FRAS1: variants seen among roughly 807,000 people sequenced by gnomAD.
The protein encoded by FRAS1 is Fraser extracellular matrix complex subunit 1, also known as extracellular matrix organizing protein FRAS1.
A neutral mutation model predicts 435.2 loss-of-function variants in FRAS1; 290 were observed. That is an observed-to-expected ratio of 0.67 (90% CI 0.61 to 0.73). FRAS1 has a LOEUF of 0.73. Ranked by LOEUF, FRAS1 falls within the 30% of genes least tolerant of loss-of-function variation. The pLI, the probability that FRAS1 is intolerant of heterozygous loss-of-function variation, is 0.00. For synonymous variants in FRAS1, 1,800 were observed against 1,851.0 expected (o/e 0.97, Z 0.71); for missense variants, 4,860 against 5,001.5 (o/e 0.97, Z 0.85).
At chr4:78,080,230 C>G (rs530272532) in intron 2 of FRAS1, among the ~76,000 whole-genome samples, 1 of 152,228 alleles carries the variant, frequency 6.6e-6, no homozygotes, top group South Asian at 2.1e-4. Context: ...CCTCGAGAAG[C>G]CTGATTGATT....
intron 14 of FRAS1, among the ~76,000 whole-genome samples, chr4:78,293,194 A>T (rs1727980408): frequency 6.6e-6 from 1 of 152,186 alleles, no homozygotes; most frequent in South Asian, 2.1e-4. Context: ...CATTATATGA[A>T]ATTATTATTA....
At chr4:78,477,786 T>C (rs1421684279) in intron 54 of FRAS1, 29 bp from the exon 55 acceptor site, 1 of 1,600,136 alleles carries the variant, frequency 6.2e-7, no homozygotes, top group Admixed American at 1.7e-5. Flanking sequence ...GAGGCACAGC[T>C]TAACTTCTTG....
chr4:78,309,069 C>T (rs573523871), intron 15 of FRAS1, among the ~76,000 whole-genome samples: 11 of 152,164 alleles, frequency 7.2e-5, no homozygotes, highest in Middle Eastern at 3.4e-3. Context: ...GCAACAGAGT[C>T]GAGTCAGAAA....
chr4:78,338,068 G>T (rs1578260906), intron 20 of FRAS1: 1 of 453,234 alleles, frequency 2.2e-6, no homozygotes, highest in East Asian at 4.3e-5. Context: ...GAAGAATGAA[G>T]TGATGATAAT....
Position 78,541,159 on chromosome 4 carries a change from A to T in FRAS1, c.*35A>T, listed in dbSNP as rs368109162. On this transcript the variant is annotated 3_prime_UTR_variant, in exon 74 of 74. Transcript: ENST00000512123. ...CCTATGTGTATTTTTTTCTAAAATC[A>T]TTTTTATAAAATGGGGGGAAATACT... 2.4e-5 allele frequency: 29 copies of T among 1,190,120 alleles called. No individual in the cohort carries two copies. In the African/African-American group the frequency reaches 4.5e-4, roughly 19 times the overall value. 73.7% of individuals were successfully genotyped at this position (1,190,120 alleles called of 1,614,324 possible). A position where few individuals can be genotyped will look rare whatever the true frequency, so the allele number is the denominator to read the frequency against.
At chr4:78,166,774 C>G (rs1721348458) in intron 2 of FRAS1, among the ~76,000 whole-genome samples, 1 of 152,110 alleles carries the variant, frequency 6.6e-6, no homozygotes, top group South Asian at 2.1e-4. Context: ...ATCATTTGAC[C>G]AAGTTCCCTC....
intron 46 of FRAS1, 118 bp downstream of exon 46, chr4:78,452,009 C>T (rs774423349): frequency 2.3e-6 from 3 of 1,286,578 alleles, no homozygotes; most frequent in Non-Finnish European, 3.2e-6. Flanking sequence ...GGTGTGGAAA[C>T]TGAAAATCAT....
chr4:78,309,341 T>C, intron 15 of FRAS1, among the ~76,000 whole-genome samples: 1 of 152,182 alleles, frequency 6.6e-6, no homozygotes, highest in East Asian at 1.9e-4. Flanking sequence ...ACAGCAGCAA[T>C]AGAAAATGAA....
intron 15 of FRAS1, among the ~76,000 whole-genome samples, chr4:78,315,256 A>G (rs1449919730): frequency 2.0e-5 from 3 of 152,232 alleles, no homozygotes; most frequent in African/African-American, 7.2e-5. Flanking sequence ...TTCAAATTTT[A>G]TGGAGCATCT....
intron 2 of FRAS1, chr4:78,068,465 G>A (rs952982361): frequency 4.4e-6 from 2 of 455,030 alleles, no homozygotes; most frequent in Admixed American, 4.7e-5. Flanking sequence ...TTGAGGCAGT[G>A]CATGGAGGAT....
intron 2 of FRAS1, among the ~76,000 whole-genome samples, chr4:78,197,669 T>C (rs1425263187): frequency 6.6e-6 from 1 of 150,376 alleles, no homozygotes; most frequent in East Asian, 2.0e-4. Flanking sequence ...GGGCTGGGAG[T>C]GGTGGCTCAT....
At position 78,182,019 on chromosome 4, in the gene FRAS1, C is replaced by T. The variant is rs1439088219; in HGVS notation, c.109-55491C>T. On this transcript the variant is annotated intron_variant, in intron 2 of 73. Coordinates refer to ENST00000512123, the MANE Select transcript of FRAS1 (RefSeq NM_025074.7). Reference sequence around the variant, plus strand: ...TCGAATCGGTTGGTGACCACACAGCCGAAGCCTTCCTGTAAGTGCCCAGGC... The same window carrying T: ...TCGAATCGGTTGGTGACCACACAGCTGAAGCCTTCCTGTAAGTGCCCAGGC... 5 of 1,533,118 alleles carry T rather than the reference C, an allele frequency of 3.3e-6. No homozygotes were observed. In the South Asian group the frequency reaches 3.9e-5, roughly 12 times the overall value. 95.0% of individuals were successfully genotyped at this position (1,533,118 alleles called of 1,614,324 possible).
chr4:78,237,396 T>G, intron 2 of FRAS1, 114 bp from the exon 3 acceptor site: 1 of 691,358 alleles, frequency 1.4e-6, no homozygotes, highest in East Asian at 2.7e-5. Flanking sequence ...GGTGTGCCTG[T>G]GACTTTTCTT....
rs78685675 is a variant in FRAS1 at position 78,470,151 on chromosome 4, G to A, written c.7371+60G>A. ...CAACTTGGGCTACATCCTTCTTCAC[G>A]ACAATGACTTATGAATAGAAGTCCA... On this transcript the variant is annotated intron_variant, in intron 51 of 73. Transcript: ENST00000512123. 2,994 of 1,071,852 alleles carry A rather than the reference G, an allele frequency of 2.8e-3. 60 individuals carry two copies. The African/African-American group carries it at 0.042, about 15-fold the overall frequency. 66.4% of individuals were successfully genotyped at this position (1,071,852 alleles called of 1,614,324 possible). A position where few individuals can be genotyped will look rare whatever the true frequency, so the allele number is the denominator to read the frequency against.
At chr4:78,444,149 C>T (rs1288338956) in intron 41 of FRAS1, 1 of 455,382 alleles carries the variant, frequency 2.2e-6, no homozygotes, top group African/African-American at 2.0e-5. Flanking sequence ...GCCACCATGC[C>T]CAGTCACTAC....
chr4:78,183,840 A>C lies in FRAS1; in HGVS notation c.109-53670A>C, dbSNP rs1437521834. ...CAACACATTATATATTTAATTAATT[A>C]ATTGAAAAGTTCAAAATAAATAACA... On this transcript the variant is annotated intron_variant, in intron 2 of 73. Transcript: ENST00000512123. 4.8e-5 allele frequency among the ~76,000 whole-genome samples: 3 copies of C among 61,862 alleles called. No individual in the cohort carries two copies. In the Admixed American group the frequency reaches 6.3e-4, roughly 13 times the overall value. 40.6% of individuals were successfully genotyped at this position (61,862 alleles called of 152,430 possible).
At chr4:78,438,511 TG>T in intron 38 of FRAS1, 58 bp from the exon 39 acceptor site, 1 of 1,568,582 alleles carries the variant, frequency 6.4e-7, no homozygotes, top group Non-Finnish European at 8.7e-7. Flanking sequence ...CTTTAGCTAC[TG>T]GAAGTGTTTA....
intron 2 of FRAS1, among the ~76,000 whole-genome samples, chr4:78,206,814 C>A (rs1723280343): frequency 6.6e-6 from 1 of 152,212 alleles, no homozygotes; most frequent in Non-Finnish European, 1.5e-5. Context: ...CTCCTGACTT[C>A]CAGCCTAATA....
intron 27 of FRAS1, among the ~76,000 whole-genome samples, chr4:78,381,186 G>A (rs1394154359): frequency 6.6e-6 from 1 of 152,148 alleles, no homozygotes; most frequent in Non-Finnish European, 1.5e-5. Context: ...ATCCTCGAAG[G>A]ACAAAAGGTC....
Sources: gnomAD v4.1 joint callset for allele counts (sites outside exome capture counted in the v4.1 genomes callset) on GRCh38, gnomAD v4.1.1 for gene constraint, MANE v1.5 for transcripts, NCBI Gene and HGNC (gene_info 2026-07-23, HGNC 2026-07-21) for gene names.